DEUP1: variants seen among roughly 807,000 people sequenced by gnomAD.
DEUP1 encodes coiled-coil domain containing 67.
In DEUP1, 82 loss-of-function variants were observed where a neutral mutation model predicts 87.4. The observed-to-expected ratio is 0.94, with a 90% CI of 0.78 to 1.13. The LOEUF (loss-of-function observed/expected upper bound fraction) is 1.13. DEUP1 is among the 50% of genes most tolerant of loss of function. DEUP1 has a pLI of 0.00. For synonymous variants in DEUP1, 214 were observed against 222.7 expected (o/e 0.96, Z 0.35); for missense variants, 663 against 681.5 (o/e 0.97, Z 0.30).
intron 4 of DEUP1, among the ~76,000 whole-genome samples, chr11:93,361,931 A>G (rs1230816608): frequency 1.3e-5 from 2 of 152,088 alleles, no homozygotes; most frequent in Non-Finnish European, 2.9e-5. Flanking sequence ...ATATTAATAG[A>G]AAGCAGAAGT....
intron 11 of DEUP1, 128 bp from the exon 12 acceptor site, chr11:93,408,103 G>T: frequency 1.6e-6 from 1 of 635,512 alleles, no homozygotes; most frequent in Non-Finnish European, 2.6e-6. Flanking sequence ...TAGAAAGTGA[G>T]CAAGAGTACA....
intron 5 of DEUP1, among the ~76,000 whole-genome samples, chr11:93,369,442 T>A (rs1395970689): frequency 2.1e-5 from 3 of 143,574 alleles, no homozygotes; most frequent in African/African-American, 7.6e-5. Context: ...AAGAAAGTAG[T>A]GGCAAATGCA....
intron 13 of DEUP1, among the ~76,000 whole-genome samples, chr11:93,418,166 C>A (rs1459847077): frequency 6.6e-5 from 10 of 152,032 alleles, no homozygotes; most frequent in East Asian, 3.9e-4. Flanking sequence ...GCAACAAAAG[C>A]CAAAATTGAC....
At chr11:93,412,085 C>T (rs1000734003) in intron 12 of DEUP1, among the ~76,000 whole-genome samples, 1 of 152,078 alleles carries the variant, frequency 6.6e-6, no homozygotes, top group Non-Finnish European at 1.5e-5. Flanking sequence ...GAAGGTGAGG[C>T]TGGAAAAAGG....
intron 2 of DEUP1, among the ~76,000 whole-genome samples, chr11:93,350,567 T>C (rs540104716): frequency 2.6e-5 from 4 of 152,304 alleles, no homozygotes; most frequent in African/African-American, 9.6e-5. Flanking sequence ...AATCACTTGA[T>C]ACTTTTGTTA....
At chr11:93,361,434 T>G (rs3019230) in intron 4 of DEUP1, among the ~76,000 whole-genome samples, 81,676 of 151,856 alleles carry the variant, frequency 0.54, 22,336 homozygotes, top group Admixed American at 0.65. Context: ...AGCAAAAAAT[T>G]ATAACCTTGT....
intron 11 of DEUP1, among the ~76,000 whole-genome samples, chr11:93,400,248 C>T (rs777291930): frequency 6.6e-5 from 10 of 152,114 alleles, no homozygotes; most frequent in Non-Finnish European, 1.2e-4. Flanking sequence ...GTTCTAGAGG[C>T]TTGAAGTCCA....
chr11:93,402,000 G>T (rs1257816168), intron 11 of DEUP1, among the ~76,000 whole-genome samples: 3 of 151,718 alleles, frequency 2.0e-5, no homozygotes, highest in South Asian at 2.1e-4. Flanking sequence ...GGAAAAATAG[G>T]TAAGTGGGAT....
Position 93,437,752 on chromosome 11 carries a change from C to CCA in DEUP1, c.*33_*34insCA, listed in dbSNP as rs375443728. ...AACTTTTTTATTTGCTTCCCCCCCC[C>CCA]ACCCCCGCCAAGAAAAAAAGCTCTG... On this transcript the variant is annotated 3_prime_UTR_variant, in exon 14 of 14. Coordinates refer to ENST00000298050, the MANE Select transcript of DEUP1 (RefSeq NM_181645.4). 9.5e-5 allele frequency: 100 copies of CCA among 1,052,712 alleles called. No homozygotes were observed. Among genetic ancestry groups the CCA allele is most frequent in the South Asian group, 3.4e-4 (23 of 67,588 alleles). 65.2% of individuals were successfully genotyped at this position (1,052,712 alleles called of 1,614,324 possible).
chr11:93,382,617 C>CT (rs1946349769), intron 7 of DEUP1, among the ~76,000 whole-genome samples: 1 of 152,118 alleles, frequency 6.6e-6, no homozygotes, highest in Non-Finnish European at 1.5e-5. Context: ...AAGGTTAGAG[C>CT]TTTTTGTGGA....
intron 7 of DEUP1, among the ~76,000 whole-genome samples, chr11:93,379,379 T>C (rs1010504356): frequency 2.2e-4 from 34 of 152,200 alleles, no homozygotes; most frequent in African/African-American, 8.0e-4. Context: ...TTCCAGGAAG[T>C]AGAATGGAGA....
intron 12 of DEUP1, chr11:93,410,998 G>C (rs1947420697): frequency 6.6e-6 from 1 of 152,190 alleles, no homozygotes. Context: ...GTGTTTTCCA[G>C]TGACCTGTTT....
intron 11 of DEUP1, among the ~76,000 whole-genome samples, chr11:93,400,597 C>T (rs546366806): frequency 2.4e-4 from 37 of 152,136 alleles, no homozygotes; most frequent in Admixed American, 1.0e-3. Flanking sequence ...TCTGAGGTAC[C>T]GAGGGTTAGG....
intron 9 of DEUP1, among the ~76,000 whole-genome samples, chr11:93,393,395 A>T (rs1482354154): frequency 6.6e-6 from 1 of 151,696 alleles, no homozygotes; most frequent in African/African-American, 2.4e-5. Context: ...GTGCAGTGGC[A>T]TGATCTCAGC....
chr11:93,340,244 A>G (rs1943992017), intron 2 of DEUP1, among the ~76,000 whole-genome samples: 1 of 152,218 alleles, frequency 6.6e-6, no homozygotes, highest in Admixed American at 6.5e-5. Flanking sequence ...TGACATTTGA[A>G]GAAAGACCTA....
At position 93,364,220 on chromosome 11, in the gene DEUP1, G is replaced by T. The variant is rs367609996; in HGVS notation, c.358G>T (p.Val120Phe). The change falls in exon 5 of 14, where the codon GTT becomes TTT. Residue 120 changes from valine (V) to phenylalanine (F), a missense_variant. Val to Phe is a conservative substitution (Grantham distance 50, BLOSUM62 -1). Transcript: ENST00000298050. ...LRLHQMKQNK[V>F]PRKELPHLKE... ...ATTACATCAGATGAAACAAAACAAA[G>T]TTCCACGAAAAGAATTACCACACCT... is the stretch of plus-strand genomic sequence containing the variant. 6.1e-5 allele frequency: 98 copies of T among 1,608,278 alleles called. No individual in the cohort carries two copies. The highest frequency in any genetic ancestry group is 2.0e-4 in the Admixed American group (12 of 59,738).
At chr11:93,332,973 G>A (rs988508862) in intron 2 of DEUP1, among the ~76,000 whole-genome samples, 2 of 152,120 alleles carry the variant, frequency 1.3e-5, no homozygotes, top group African/African-American at 4.8e-5. Flanking sequence ...ACTGACTTTG[G>A]CGCTAGTCAC....
chr11:93,396,403 T>A, intron 11 of DEUP1, 78 bp downstream of exon 11: 1 of 860,620 alleles, frequency 1.2e-6, no homozygotes, highest in Non-Finnish European at 1.8e-6. Flanking sequence ...CATCATTTAT[T>A]GAGCACTTGC....
At chr11:93,331,813 G>A (rs1287585806) in intron 1 of DEUP1, among the ~76,000 whole-genome samples, 1 of 152,164 alleles carries the variant, frequency 6.6e-6, no homozygotes, top group Non-Finnish European at 1.5e-5. Context: ...TTGGGAGGCC[G>A]AGGTGGGTGG....
Sources: allele counts gnomAD v4.1 joint callset (sites outside exome capture counted in the v4.1 genomes callset), GRCh38; gene constraint gnomAD v4.1.1; transcripts MANE v1.5; gene names NCBI Gene and HGNC (gene_info 2026-07-23, HGNC 2026-07-21).